COL6A5: variants seen among roughly 807,000 people sequenced by gnomAD.
The protein encoded by COL6A5 is collagen alpha-5(VI) chain.
COL6A5 carries 48 observed loss-of-function variants against 65.6 expected under a neutral mutation model. The observed-to-expected ratio is 0.73, with a 90% CI of 0.58 to 0.93. The LOEUF (loss-of-function observed/expected upper bound fraction) is 0.93. Ranked by LOEUF, COL6A5 falls within the 40% of genes least tolerant of loss-of-function variation. COL6A5 has a pLI of 0.00. For synonymous variants in COL6A5, 291 were observed against 322.8 expected (o/e 0.90, Z 1.05); for missense variants, 914 against 928.3 (o/e 0.98, Z 0.20).
intron 4 of COL6A5, among the ~76,000 whole-genome samples, chr3:130,382,228 A>G (rs1017031242): frequency 5.3e-5 from 8 of 152,060 alleles, no homozygotes; most frequent in Admixed American, 3.3e-4. Context: ...ACAAACAAAC[A>G]AACAACAACA....
chr3:130,477,181 C>A, intron 7 of COL6A5: 1 of 890,902 alleles, frequency 1.1e-6, no homozygotes, highest in Non-Finnish European at 1.7e-6. Flanking sequence ...AGAAATAATA[C>A]AATCTATCTC....
exon 8 of COL6A5, chr3:130,395,381 A>G (rs1936558989): frequency 6.5e-7 from 1 of 1,545,994 alleles, no homozygotes; most frequent in African/African-American, 1.4e-5. Context: ...AAAAATAATC[A>G]CTTTTCAAGA....
intron 6 of COL6A5, among the ~76,000 whole-genome samples, chr3:130,390,484 A>G (rs9817834): frequency 0.29 from 43,866 of 152,088 alleles, 7,305 homozygotes; most frequent in East Asian, 0.61. Flanking sequence ...GGGAAGGAAA[A>G]GAGTGGGGAA....
chr3:130,443,337 T>C (rs1269798217), intron 3 of COL6A5, 139 bp from the exon 36 acceptor site: 1 of 587,882 alleles, frequency 1.7e-6, no homozygotes, highest in Non-Finnish European at 3.0e-6. Context: ...TGCTGTTTTC[T>C]GTTTTCACCC....
intron 6 of COL6A5, 131 bp downstream of exon 38, chr3:130,469,612 T>TA (rs1709901184): frequency 3.9e-6 from 3 of 761,778 alleles, no homozygotes; most frequent in Non-Finnish European, 4.1e-6. Context: ...TAGGAGGCAG[T>TA]AAAAAATCTC....
At chr3:130,432,538 A>G (rs1342734463) in intron 1 of COL6A5, among the ~76,000 whole-genome samples, 1 of 132,464 alleles carries the variant, frequency 7.5e-6, no homozygotes, top group East Asian at 2.0e-4. Flanking sequence ...CAACAGAGAA[A>G]GACTCTGTCA....
chr3:130,469,481 CG>C lies in COL6A5; in HGVS notation c.2231+1del. 10 of 1,604,548 alleles carry C rather than the reference CG, an allele frequency of 6.2e-6. No homozygotes were observed. The highest frequency in any genetic ancestry group is 8.5e-6 in the Non-Finnish European group (10 of 1,174,466). ...CAAGCCATTTGTCCATTTAATCAGA[CG>C]TAAGTCATTAATTCTCTTTGATTGC... On this transcript the variant is annotated splice_donor_variant, in intron 6 of 7. Transcript: ENST00000512836. LOFTEE classifies it high-confidence loss of function.
chr3:130,431,293 A>G (rs1937790026), upstream of COL6A5: 3 of 761,018 alleles, frequency 3.9e-6, no homozygotes, highest in South Asian at 1.5e-5. Context: ...AACAGCTTCA[A>G]GTTTGCAGGC....
At chr3:130,433,995 A>G (rs1381255040) in intron 1 of COL6A5, among the ~76,000 whole-genome samples, 4 of 151,246 alleles carry the variant, frequency 2.6e-5, no homozygotes, top group African/African-American at 7.3e-5. Context: ...AAAACAGGAT[A>G]CATGTGCAGA....
intron 1 of COL6A5, among the ~76,000 whole-genome samples, chr3:130,354,773 T>C (rs946360071): frequency 2.0e-5 from 3 of 152,176 alleles, no homozygotes; most frequent in Admixed American, 1.3e-4. Context: ...GGCCATGGGC[T>C]AAGGACCTGA....
At chr3:130,409,415 T>G (rs373675992) in intron 18 of COL6A5, 27 bp downstream of exon 18, 12 of 1,528,218 alleles carry the variant, frequency 7.9e-6, no homozygotes, top group South Asian at 7.3e-5. Context: ...CAGTTGGCTC[T>G]GAATTTTATA....
chr3:130,405,484 G>A, intron 13 of COL6A5, 104 bp from the exon 14 acceptor site: 1 of 687,774 alleles, frequency 1.5e-6, no homozygotes, highest in Admixed American at 2.7e-5. Flanking sequence ...TTTTTCTAAA[G>A]CTCATAGTGC....
chr3:130,385,406 A>G lies in COL6A5; in HGVS notation c.1861+42A>G, dbSNP rs1936153167. 4 of 1,520,966 alleles carry G rather than the reference A, an allele frequency of 2.6e-6. No homozygotes were observed. In the African/African-American group the frequency reaches 5.6e-5, roughly 21 times the overall value. The allele number at this position is 1,520,966 out of a possible 1,614,324, so 94.2% of individuals were successfully genotyped here. A position where few individuals can be genotyped will look rare whatever the true frequency, so the allele number is the denominator to read the frequency against. ...AGGCTTTATTCTCCACATTTCATCA[A>G]TTGCTTTAGGCAGATTAATGGCCAG... On this transcript the variant is annotated intron_variant and NMD_transcript_variant, in intron 5 of 41. Transcript: ENST00000312481.
chr3:130,356,158 C>T (rs562658020), intron 1 of COL6A5, among the ~76,000 whole-genome samples: 1 of 151,852 alleles, frequency 6.6e-6, no homozygotes, highest in Admixed American at 6.6e-5. Flanking sequence ...ACAGTGATGG[C>T]GCAAGCGATA....
intron 25 of COL6A5, among the ~76,000 whole-genome samples, chr3:130,420,714 A>G (rs1454147743): frequency 6.6e-6 from 1 of 152,090 alleles, no homozygotes; most frequent in African/African-American, 2.4e-5. Flanking sequence ...ACTTTTTTCC[A>G]TCTTTACCAT....
chr3:130,460,210 G>A (rs1164284693), intron 5 of COL6A5, among the ~76,000 whole-genome samples: 1 of 152,096 alleles, frequency 6.6e-6, no homozygotes, highest in Non-Finnish European at 1.5e-5. Context: ...CAGCAGAATT[G>A]TAGCAATGTC....
chr3:130,453,149 C>T (rs898680015), intron 4 of COL6A5, among the ~76,000 whole-genome samples: 10 of 151,990 alleles, frequency 6.6e-5, no homozygotes, highest in South Asian at 2.1e-4. Flanking sequence ...TCCTCCTCAG[C>T]TTACGAGATG....
At chr3:130,387,151 G>A (rs888562119) in intron 5 of COL6A5, among the ~76,000 whole-genome samples, 2 of 151,924 alleles carry the variant, frequency 1.3e-5, no homozygotes, top group African/African-American at 4.8e-5. Context: ...AGGACCAAGG[G>A]AGCCTACCAC....
chr3:130,431,123 A>G (rs1937782593), upstream of COL6A5, among the ~76,000 whole-genome samples: 2 of 152,182 alleles, frequency 1.3e-5, no homozygotes, highest in South Asian at 2.1e-4. Context: ...AGTTTTACCA[A>G]ATGTGTAGAT....
Sources: gnomAD v4.1 joint callset for allele counts (sites outside exome capture counted in the v4.1 genomes callset) on GRCh38, gnomAD v4.1.1 for gene constraint, MANE v1.5 for transcripts, NCBI Gene and HGNC (gene_info 2026-07-23, HGNC 2026-07-21) for gene names.